Variants in LAMA2 observed in about 807,000 individuals in gnomAD.
LAMA2 encodes laminin subunit alpha 2, also known as laminin subunit alpha-2.
LAMA2 carries 269 observed loss-of-function variants against 364.8 expected under a neutral mutation model. The observed-to-expected ratio is 0.74, with a 90% CI of 0.67 to 0.82. The LOEUF (loss-of-function observed/expected upper bound fraction) is 0.82. LAMA2 is among the 40% of genes least tolerant of loss of function. The pLI is 0.00. For missense variants in LAMA2, 3,807 were observed against 3,873.2 expected (o/e 0.98, Z 0.45); for synonymous variants, 1,379 against 1,370.6 (o/e 1.01, Z -0.14).
intron 4 of LAMA2, among the ~76,000 whole-genome samples, chr6:129,133,260 A>G (rs115508083): frequency 0.014 from 2,193 of 152,344 alleles, 53 homozygotes; most frequent in African/African-American, 0.05. Flanking sequence ...GAGCTAGGCC[A>G]GGGGCTGTAT....
intron 4 of LAMA2, among the ~76,000 whole-genome samples, chr6:129,110,708 A>G (rs144753209): frequency 1.3e-4 from 20 of 152,148 alleles, no homozygotes; most frequent in African/African-American, 4.8e-4. Context: ...TAAATGTTCA[A>G]CACTAATCTC....
rs147964120 is a variant in LAMA2 at position 129,297,831 on chromosome 6, C to T, written c.3003C>T (p.His1001=). 2.0e-5 allele frequency: 32 copies of T among 1,613,868 alleles called. No homozygotes were observed. Among genetic ancestry groups the T allele is most frequent in the African/African-American group, 8.0e-5 (6 of 75,018 alleles). ...GGAAGAAATGTGACCGCTGTGCCCA[C>T]GGCTATTTCAACTTCCAAGAAGGAG... ...VTGKKCDRCA[H]GYFNFQEGGC... The change falls in exon 21 of 65, where the codon CAC becomes CAT. Residue 1001 remains histidine, a synonymous_variant. Coordinates refer to ENST00000421865, the MANE Select transcript of LAMA2 (RefSeq NM_000426.4).
intron 12 of LAMA2, among the ~76,000 whole-genome samples, chr6:129,223,614 G>T (rs1406999613): frequency 7.2e-5 from 11 of 152,252 alleles, no homozygotes; most frequent in African/African-American, 1.9e-4. Flanking sequence ...ATTCCCCATT[G>T]CTTGTTTTTG....
chr6:129,250,707 A>G (rs1459737085), intron 13 of LAMA2, among the ~76,000 whole-genome samples: 1 of 152,168 alleles, frequency 6.6e-6, no homozygotes, highest in Non-Finnish European at 1.5e-5. Flanking sequence ...GAAGGGCCAT[A>G]GGCAACTTCA....
chr6:129,420,857 C>G (rs1781038318), intron 40 of LAMA2, among the ~76,000 whole-genome samples: 1 of 152,140 alleles, frequency 6.6e-6, no homozygotes, highest in Non-Finnish European at 1.5e-5. Context: ...CTCTGACAGC[C>G]AAACATCTAG....
At chr6:129,261,230 C>G (rs965863053) in intron 15 of LAMA2, among the ~76,000 whole-genome samples, 4 of 151,732 alleles carry the variant, frequency 2.6e-5, no homozygotes, top group African/African-American at 7.3e-5. Flanking sequence ...TTTTCCTCTA[C>G]TTCATTTCTA....
intron 12 of LAMA2, among the ~76,000 whole-genome samples, chr6:129,202,179 G>A (rs1157715677): frequency 9.4e-6 from 1 of 106,076 alleles, no homozygotes; most frequent in South Asian, 3.4e-4. Flanking sequence ...CAGAGCGAGA[G>A]TCTGTCTCAA....
intron 1 of LAMA2, among the ~76,000 whole-genome samples, chr6:129,004,423 A>T (rs1299155056): frequency 1.5e-5 from 1 of 68,358 alleles, no homozygotes; most frequent in Non-Finnish European, 2.8e-5. Flanking sequence ...AAAAAAAAAA[A>T]AAAAAAAGAA....
chr6:129,252,072 T>A lies in LAMA2; in HGVS notation c.1885-12T>A. 1 of 1,595,336 alleles carries A rather than the reference T, an allele frequency of 6.3e-7. No homozygotes were observed. The highest frequency in any genetic ancestry group is 2.2e-5 in the East Asian group (1 of 44,712). Reference sequence around the variant, plus strand: ...TTTTACTCTTTTTTATTTCTTTTTTTTCCCCCTTTAGGGTAATGACTTGAG... The same window carrying A: ...TTTTACTCTTTTTTATTTCTTTTTTATCCCCCTTTAGGGTAATGACTTGAG... On this transcript the variant is annotated splice_polypyrimidine_tract_variant and intron_variant, in intron 13 of 64. Coordinates refer to ENST00000421865, the MANE Select transcript of LAMA2 (RefSeq NM_000426.4).
At chr6:129,121,752 G>A (rs1776819733) in intron 4 of LAMA2, among the ~76,000 whole-genome samples, 1 of 151,980 alleles carries the variant, frequency 6.6e-6, no homozygotes. Context: ...GGAAAAAGCT[G>A]GATCTCAAAG....
intron 61 of LAMA2, 59 bp from the exon 62 acceptor site, chr6:129,507,430 A>G: frequency 1.3e-6 from 2 of 1,569,226 alleles, no homozygotes; most frequent in Non-Finnish European, 1.8e-6. Flanking sequence ...ACTGTATTCT[A>G]CATAAAGGCA....
Position 129,514,540 on chromosome 6 carries a change from C to A in LAMA2, c.9156C>A (p.Asn3052Lys). ...ACCAGGTGGAAGCCCAAAGCCCAAA[C>A]CCAGCATCTACATCAGCTGACACAA... ...DGNQVEAQSP[N>K]PASTSADTND... The change falls in exon 64 of 65, where the codon AAC becomes AAA. Residue 3052 changes from asparagine (N) to lysine (K), a missense_variant. Coordinates refer to ENST00000421865, the MANE Select transcript of LAMA2 (RefSeq NM_000426.4). 1 of 1,614,152 alleles carries A rather than the reference C, an allele frequency of 6.2e-7. No individual in the cohort carries two copies. The highest frequency in any genetic ancestry group is 8.5e-7 in the Non-Finnish European group (1 of 1,180,006).
intron 16 of LAMA2, among the ~76,000 whole-genome samples, chr6:129,267,581 T>C (rs1436369238): frequency 6.6e-6 from 1 of 152,066 alleles, no homozygotes; most frequent in East Asian, 1.9e-4. Context: ...TATATCCCCA[T>C]AATATGAAAA....
rs202048629 is a variant in LAMA2, at chr6:129,333,056, C to CTAAT, written c.4311+4646_4311+4649dup. Among the ~76,000 whole-genome samples the CTAAT allele has an allele frequency of 8.0e-3, 1,214 of 151,932 alleles. 21 individuals carry two copies. The highest frequency in any genetic ancestry group is 0.029 in the African/African-American group (1,185 of 41,402). On this transcript the variant is annotated intron_variant, in intron 29 of 64. Transcript: ENST00000421865. ...TACAGGCACCTGCCACCATAACTGG[C>CTAAT]TAATTTTTGCATTTTAGTAGAGATG...
chr6:129,027,680 TA>T (rs1398180500), intron 1 of LAMA2, among the ~76,000 whole-genome samples: 1 of 151,856 alleles, frequency 6.6e-6, no homozygotes, highest in Non-Finnish European at 1.5e-5. Context: ...GATTTTGAGC[TA>T]ATCTTGAAAG....
intron 18 of LAMA2, among the ~76,000 whole-genome samples, chr6:129,281,954 T>C (rs1788746261): frequency 6.6e-6 from 1 of 152,162 alleles, no homozygotes; most frequent in Non-Finnish European, 1.5e-5. Flanking sequence ...ACATTTTTTG[T>C]TTGAGATGTG....
intron 56 of LAMA2, 94 bp from the exon 57 acceptor site, chr6:129,491,807 T>C (rs1021951495): frequency 1.6e-5 from 16 of 1,028,254 alleles, no homozygotes; most frequent in Non-Finnish European, 2.2e-5. Context: ...AAAGCTATGG[T>C]TGAGAGGGGT....
At chr6:129,109,418 C>T (rs893499624) in intron 4 of LAMA2, among the ~76,000 whole-genome samples, 17 of 152,000 alleles carry the variant, frequency 1.1e-4, no homozygotes, top group African/African-American at 3.9e-4. Flanking sequence ...TAAGAGAGAA[C>T]ATAATGCTGT....
intron 52 of LAMA2, among the ~76,000 whole-genome samples, chr6:129,473,559 G>C (rs1031351985): frequency 4.6e-5 from 7 of 152,058 alleles, no homozygotes; most frequent in African/African-American, 1.7e-4. Context: ...TGAAGAGATG[G>C]ATTGGAGTCG....
Sources: gnomAD v4.1 joint callset for allele counts (sites outside exome capture counted in the v4.1 genomes callset) on GRCh38, gnomAD v4.1.1 for gene constraint, MANE v1.5 for transcripts, NCBI Gene and HGNC (gene_info 2026-07-23, HGNC 2026-07-21) for gene names.